The following PAX5 variants were observed in gnomAD, a reference collection of about 807,000 sequenced individuals.
PAX5 encodes the protein paired box 5, also known as paired box protein Pax-5.
PAX5 carries 9 observed loss-of-function variants against 43.7 expected under a neutral mutation model. That is an observed-to-expected ratio of 0.21 (90% CI 0.12 to 0.36). The LOEUF (loss-of-function observed/expected upper bound fraction) is 0.36, where lower values mean the gene tolerates loss of function less well. PAX5 is among the 10% of genes least tolerant of loss of function. The pLI is 1.00. For missense variants in PAX5, 383 were observed against 532.7 expected, an observed-to-expected ratio of 0.72 and a Z score of 2.77; for synonymous variants, 228 against 214.3, an observed-to-expected ratio of 1.06 and a Z score of -0.56.
At chr9:36,991,549 C>T (rs756589031) in intron 5 of PAX5, among the ~76,000 whole-genome samples, 2 of 152,210 alleles carry the variant, frequency 1.3e-5, no homozygotes, top group Non-Finnish European at 1.5e-5. Flanking sequence ...TTAATCCCCA[C>T]TAGCAATGGT....
At chr9:36,843,716 C>CCCTA (rs34764056) in intron 9 of PAX5, among the ~76,000 whole-genome samples, 3,426 of 152,348 alleles carry the variant, frequency 0.022, 54 homozygotes, top group Middle Eastern at 0.041. Flanking sequence ...AGGTGTGTTT[C>CCCTA]ATGGGCTCTG....
At chr9:37,009,217 T>A (rs1170819256) in intron 3 of PAX5, among the ~76,000 whole-genome samples, 3 of 152,232 alleles carry the variant, frequency 2.0e-5, no homozygotes, top group Admixed American at 6.5e-5. Context: ...GAGGCTGCAG[T>A]AGCACAGTGT....
At chr9:36,950,512 C>T (rs2132105759) in intron 6 of PAX5, among the ~76,000 whole-genome samples, 1 of 152,268 alleles carries the variant, frequency 6.6e-6, no homozygotes, top group South Asian at 2.1e-4. Context: ...CCTCACTGCC[C>T]ACACCAGACA....
At chr9:36,864,624 G>A (rs1824643515) in intron 8 of PAX5, among the ~76,000 whole-genome samples, 1 of 152,198 alleles carries the variant, frequency 6.6e-6, no homozygotes, top group Non-Finnish European at 1.5e-5. Context: ...AAGGCTGGTG[G>A]GCCTGAGCGT....
At chr9:36,854,834 C>CGA (rs931794861) in intron 8 of PAX5, among the ~76,000 whole-genome samples, 1 of 152,192 alleles carries the variant, frequency 6.6e-6, no homozygotes, top group Non-Finnish European at 1.5e-5. Context: ...AGAGAAAAAC[C>CGA]GAGAGAGAGG....
At chr9:36,930,756 G>A in intron 6 of PAX5, 1 of 906,430 alleles carries the variant, frequency 1.1e-6, no homozygotes, top group East Asian at 6.0e-5. Flanking sequence ...GAGAATCTGA[G>A]GGGTAAGGAG....
At chr9:36,881,214 A>G (rs986984614) in intron 8 of PAX5, among the ~76,000 whole-genome samples, 5 of 152,258 alleles carry the variant, frequency 3.3e-5, no homozygotes, top group African/African-American at 1.2e-4. Context: ...TAAAAATTAA[A>G]TTAAATAAAT....
At chr9:37,027,389 G>A (rs965401436) in intron 1 of PAX5, among the ~76,000 whole-genome samples, 14 of 152,246 alleles carry the variant, frequency 9.2e-5, no homozygotes, top group Non-Finnish European at 1.5e-5. Context: ...TTCCTCGCCG[G>A]GGTGTCTACC....
intron 6 of PAX5, among the ~76,000 whole-genome samples, chr9:36,961,500 T>C (rs1246257761): frequency 6.6e-6 from 1 of 152,170 alleles, no homozygotes; most frequent in East Asian, 1.9e-4. Context: ...GGAATTAGGG[T>C]TTCTATTACA....
At chr9:36,893,171 C>T (rs1172250745) in intron 7 of PAX5, among the ~76,000 whole-genome samples, 20 of 152,230 alleles carry the variant, frequency 1.3e-4, no homozygotes, top group Non-Finnish European at 2.9e-5. Flanking sequence ...GGCTCACTCA[C>T]ACTCTAGAAG....
intron 5 of PAX5, among the ~76,000 whole-genome samples, chr9:36,982,393 C>T (rs1310329200): frequency 1.3e-5 from 2 of 152,188 alleles, no homozygotes; most frequent in Admixed American, 1.3e-4. Flanking sequence ...TGCTCTGGTC[C>T]CAAGCATAGC....
chr9:36,893,413 G>C (rs1219229562), intron 7 of PAX5: 1 of 152,362 alleles, frequency 6.6e-6, no homozygotes, highest in African/African-American at 2.4e-5. Flanking sequence ...AATGCACCAT[G>C]AACAATCCCA....
chr9:36,999,972 C>G lies in PAX5; in HGVS notation c.604+2676G>C, dbSNP rs1281436250. ...GCGCATCTCTGAAAGGGCTGAGGGACAACAGGTAGCTGGAAAATACCAGGG... is the reference window on the plus strand; with the variant it reads ...GCGCATCTCTGAAAGGGCTGAGGGAGAACAGGTAGCTGGAAAATACCAGGG... On this transcript the variant is annotated intron_variant, in intron 5 of 9. Transcript: ENST00000358127. Among the ~76,000 whole-genome samples the G allele has an allele frequency of 2.0e-5, 3 of 152,126 alleles. No individual in the cohort carries two copies. The East Asian group carries it at 5.8e-4, about 29-fold the overall frequency.
Position 37,015,224 on chromosome 9 carries a change from A to G in PAX5, c.213-30T>C. The G allele has an allele frequency of 6.3e-7, 1 of 1,594,522 alleles. No individual in the cohort carries two copies. The highest frequency in any genetic ancestry group is 1.7e-4 in the Middle Eastern group (1 of 6,008). On this transcript the variant is annotated intron_variant, in intron 2 of 9. Coordinates refer to ENST00000358127, the MANE Select transcript of PAX5 (RefSeq NM_016734.3). This position sits in a 1 kb window ranked among gnomAD's most constrained non-coding sequence, Gnocchi z 4.4. ...GACCCAAAGAGAAAGAAGCTTAGCC[A>G]TGAGGAACCAGTAAAGTGGATATTG...
chr9:37,011,106 G>C (rs1271475608), intron 3 of PAX5, among the ~76,000 whole-genome samples: 2 of 146,912 alleles, frequency 1.4e-5, no homozygotes, highest in Non-Finnish European at 3.0e-5. Flanking sequence ...GGGTGACAGA[G>C]TGAGACCCTG....
chr9:36,876,414 G>A (rs556593698), intron 8 of PAX5, among the ~76,000 whole-genome samples: 2 of 152,258 alleles, frequency 1.3e-5, no homozygotes, highest in African/African-American at 4.8e-5. Context: ...ATGAGGGATG[G>A]GGCACCCACC....
intron 7 of PAX5, among the ~76,000 whole-genome samples, chr9:36,884,944 T>C (rs1203684631): frequency 6.6e-6 from 1 of 152,192 alleles, no homozygotes; most frequent in Non-Finnish European, 1.5e-5. Context: ...ACTCTACACA[T>C]CACTCTGCCT....
intron 5 of PAX5, among the ~76,000 whole-genome samples, chr9:36,999,216 G>A (rs1837647028): frequency 6.6e-6 from 1 of 152,074 alleles, no homozygotes; most frequent in Admixed American, 6.6e-5. Flanking sequence ...TCCTCTCCCT[G>A]CACATGCTCA....
chr9:36,925,698 G>A (rs751908691), intron 6 of PAX5, among the ~76,000 whole-genome samples: 1 of 152,190 alleles, frequency 6.6e-6, no homozygotes, highest in Non-Finnish European at 1.5e-5. Context: ...GGCATCCAAC[G>A]TGGCGAGCTC....
Sources: allele counts gnomAD v4.1 joint callset (sites outside exome capture counted in the v4.1 genomes callset), GRCh38; gene constraint gnomAD v4.1.1; non-coding constraint Gnocchi (gnomAD v3.1); transcripts MANE v1.5; gene names NCBI Gene and HGNC (gene_info 2026-07-23, HGNC 2026-07-21).